Variants in KRT7 observed in about 807,000 individuals in gnomAD.
KRT7 encodes the protein keratin, type II cytoskeletal 7.
Under a neutral mutation model 42.8 loss-of-function variants are expected in KRT7, and 50 were observed. That is an observed-to-expected ratio of 1.17 (90% confidence interval 0.93 to 1.48). KRT7 has a LOEUF of 1.48. Ranked by LOEUF, KRT7 falls within the 40% of genes most tolerant of loss-of-function variation. The probability of loss-of-function intolerance (pLI) is 0.00; values close to 1 mark genes in which losing one functional copy is unlikely to be tolerated. For missense variants in KRT7, 588 were observed against 637.6 expected (o/e 0.92, Z 0.84); for synonymous variants, 268 against 266.3 (o/e 1.01, Z -0.06).
At chr12:52,248,238 A>T (rs1261483767) in intron 8 of KRT7, 27 bp downstream of exon 8, 1 of 1,612,676 alleles carries the variant, frequency 6.2e-7, no homozygotes, top group Admixed American at 1.7e-5. Flanking sequence ...GGCCCATGGG[A>T]AGCATCCCTT....
At chr12:52,235,425 A>G in intron 2 of KRT7, 59 bp downstream of exon 2, 1 of 1,450,080 alleles carries the variant, frequency 6.9e-7, no homozygotes. Context: ...GACCCTCATG[A>G]GCTGACCCTG....
At chr12:52,252,963 TC>T (rs1942288801), downstream of KRT7, among the ~76,000 whole-genome samples, 1 of 152,200 alleles carries the variant, frequency 6.6e-6, no homozygotes, top group African/African-American at 2.4e-5. Context: ...AGCCCAGGTT[TC>T]CTGCCCCTTA....
At position 52,235,170 on chromosome 12, in the gene KRT7, C is replaced by G. The variant is rs1427638155; in HGVS notation, c.340C>G (p.Gln114Glu). Residue 114 changes from glutamine (Q) to glutamate (E), a missense_variant, in exon 2 of 9, where the codon CAG (glutamine) becomes GAG (glutamate). Gln to Glu is a conservative substitution (Grantham distance 29). Coordinates refer to ENST00000331817, the MANE Select transcript of KRT7 (RefSeq NM_005556.4). Reference protein sequence around the residue: ...SFIDKVRFLEQQNKLLETKWT... With the variant: ...SFIDKVRFLEEQNKLLETKWT... ...CCCGTTCTAGGTGCGGTTTCTGGAG[C>G]AGCAGAACAAGCTGCTGGAGACCAA... The G allele has an allele frequency of 1.2e-6, 2 of 1,613,964 alleles. No homozygotes were observed. The highest frequency in any genetic ancestry group is 1.7e-5 in the Admixed American group (1 of 60,010).
At chr12:52,243,977 A>G (rs1387962937) in intron 6 of KRT7, among the ~76,000 whole-genome samples, 1 of 152,128 alleles carries the variant, frequency 6.6e-6, no homozygotes, top group Non-Finnish European at 1.5e-5. Context: ...TGGGAGGATG[A>G]GCTTTGCTGG....
chr12:52,249,801 G>A (rs145993598), downstream of KRT7, among the ~76,000 whole-genome samples: 1,054 of 152,212 alleles, frequency 6.9e-3, 10 homozygotes, highest in African/African-American at 0.023. Context: ...GGATGTGTTG[G>A]CTTCTGGGAG....
chr12:52,235,485 A>T (rs1942001351), intron 2 of KRT7, 119 bp downstream of exon 2: 1 of 797,214 alleles, frequency 1.3e-6, no homozygotes, highest in East Asian at 2.7e-5. Flanking sequence ...CAGTCCAATA[A>T]CTCCCTGAGG....
chr12:52,239,195 A>G (rs1164772225), intron 4 of KRT7, among the ~76,000 whole-genome samples: 1 of 152,128 alleles, frequency 6.6e-6, no homozygotes, highest in African/African-American at 2.4e-5. Flanking sequence ...AGTCAGCTCA[A>G]GGGCTCTTTA....
intron 6 of KRT7, among the ~76,000 whole-genome samples, chr12:52,244,078 G>T (rs1337253777): frequency 6.6e-6 from 1 of 152,238 alleles, no homozygotes; most frequent in African/African-American, 2.4e-5. Flanking sequence ...GCAGGTGTCT[G>T]CAGTGGAGAG....
intron 4 of KRT7, among the ~76,000 whole-genome samples, chr12:52,240,395 C>T (rs371957459): frequency 3.3e-5 from 5 of 152,024 alleles, no homozygotes; most frequent in Non-Finnish European, 5.9e-5. Context: ...TTTGGGAGGC[C>T]GAGGTGAGTG....
intron 5 of KRT7, among the ~76,000 whole-genome samples, chr12:52,242,612 G>C (rs1052197605): frequency 1.1e-4 from 16 of 152,172 alleles, no homozygotes; most frequent in Admixed American, 2.6e-4. Flanking sequence ...TCAGGCCCTC[G>C]TTCCATCACT....
At position 52,248,581 on chromosome 12, in the gene KRT7, T is replaced by C. The variant is rs1283319730; in HGVS notation, c.1241-10T>C. On this transcript the variant is annotated splice_polypyrimidine_tract_variant and intron_variant, in intron 8 of 8. Transcript: ENST00000331817. ...CACGCTGAAGAGAGCCCTCCTCTTT[T>C]CTCTCCCAGCTGTGATGAATTCCAC... 1.3e-6 allele frequency: 2 copies of C among 1,563,868 alleles called. No individual in the cohort carries two copies. Among genetic ancestry groups the C allele is most frequent in the East Asian group, 2.3e-5 (1 of 44,216 alleles).
intron 2 of KRT7, among the ~76,000 whole-genome samples, chr12:52,237,136 T>A (rs1055013462): frequency 6.6e-6 from 1 of 152,212 alleles, no homozygotes; most frequent in African/African-American, 2.4e-5. Flanking sequence ...ACCATCGTTA[T>A]AGGTTTGCTG....
At chr12:52,234,471 G>T (rs553570739) in intron 1 of KRT7, among the ~76,000 whole-genome samples, 19 of 152,166 alleles carry the variant, frequency 1.2e-4, no homozygotes, top group African/African-American at 3.9e-4. Flanking sequence ...CCTCCCTCAC[G>T]TTCTCCTTTC....
chr12:52,251,675 A>G, downstream of KRT7: 1 of 303,532 alleles, frequency 3.3e-6, no homozygotes, highest in South Asian at 3.1e-5. Flanking sequence ...CTACTGTCCT[A>G]TATTCCATCC....
rs968483818 is a variant in KRT7, at chr12:52,233,371, C to T, written c.75C>T (p.Arg25=). The change falls in exon 1 of 9, where the codon CGC becomes CGT. Residue 25 remains arginine (R), a synonymous_variant. Transcript: ENST00000331817. ...AAFSGRGAQV[R]LSSARPGGLG... ...TCTCGGGCCGCGGCGCCCAGGTGCG[C>T]CTGAGCTCCGCTCGCCCCGGCGGCC... 1.3e-6 allele frequency: 2 copies of T among 1,573,772 alleles called. No homozygotes were observed. Among genetic ancestry groups the T allele is most frequent in the Non-Finnish European group, 1.7e-6 (2 of 1,165,452 alleles).
Position 52,233,612 on chromosome 12 carries a change from A to G in KRT7, c.316A>G (p.Ile106Val), listed in dbSNP as rs748847197. The G allele has an allele frequency of 6.2e-7, 1 of 1,612,558 alleles. No homozygotes were observed. The highest frequency in any genetic ancestry group is 8.5e-7 in the Non-Finnish European group (1 of 1,179,636). Reference protein sequence around the residue: ...KTLNNKFASFIDKVRFLEQQN... With the variant: ...KTLNNKFASFVDKVRFLEQQN... ...CCTCAACAACAAGTTTGCCTCCTTC[A>G]TCGACAAGGTGAGCGGGACTGGACC... The change falls in exon 1 of 9, where the codon ATC becomes GTC. Residue 106 changes from isoleucine (I) to valine (V), a missense_variant. Ile to Val is a conservative substitution (Grantham distance 29). Transcript: ENST00000331817.
chr12:52,250,233 G>C (rs1942242664), downstream of KRT7, among the ~76,000 whole-genome samples: 1 of 152,260 alleles, frequency 6.6e-6, no homozygotes, highest in Non-Finnish European at 1.5e-5. Context: ...TGCGAGGACA[G>C]TCCTTTAGAT....
chr12:52,253,104 G>C, downstream of KRT7: 1 of 1,001,632 alleles, frequency 1.0e-6, no homozygotes, highest in South Asian at 1.3e-5. Context: ...CCTCATGCTG[G>C]GTGTTTGCCC....
chr12:52,242,492 C>T (rs1942107291), intron 5 of KRT7, among the ~76,000 whole-genome samples: 1 of 152,042 alleles, frequency 6.6e-6, no homozygotes, highest in African/African-American at 2.4e-5. Context: ...ACCAGTGTTC[C>T]TGAAGAAGGG....
Sources: gnomAD v4.1 joint callset for allele counts (sites outside exome capture counted in the v4.1 genomes callset) on GRCh38, gnomAD v4.1.1 for gene constraint, MANE v1.5 for transcripts, NCBI Gene and HGNC (gene_info 2026-07-23, HGNC 2026-07-21) for gene names.